The following GAREM1 variants were observed in gnomAD, a reference collection of about 807,000 sequenced individuals.
The protein encoded by GAREM1 is GRB2-associated and regulator of MAPK protein 1.
Under a neutral mutation model 71.3 loss-of-function variants are expected in GAREM1, and 26 were observed. The observed-to-expected ratio is 0.36, with a 90% CI of 0.27 to 0.51. The LOEUF (loss-of-function observed/expected upper bound fraction) is 0.51. Among genes scored for constraint, GAREM1 ranks in the 20% least tolerant of loss-of-function variants. The pLI is 0.95. For synonymous variants in GAREM1, 440 were observed against 433.2 expected (o/e 1.02, Z -0.20); for missense variants, 1,026 against 1,103.1 (o/e 0.93, Z 0.99).
At chr18:32,334,858 G>A (rs2047573452) in intron 2 of GAREM1, among the ~76,000 whole-genome samples, 1 of 152,112 alleles carries the variant, frequency 6.6e-6, no homozygotes, top group Non-Finnish European at 1.5e-5. Flanking sequence ...GTTTGGGTAC[G>A]AGATATGTGG....
intron 1 of GAREM1, among the ~76,000 whole-genome samples, chr18:32,400,178 T>C (rs2048299511): frequency 6.6e-6 from 1 of 152,184 alleles, no homozygotes. Flanking sequence ...TAATTCAAGA[T>C]GGATTAAAGA....
intron 3 of GAREM1, among the ~76,000 whole-genome samples, chr18:32,305,903 A>G (rs533352941): frequency 2.0e-5 from 3 of 152,186 alleles, no homozygotes; most frequent in African/African-American, 7.2e-5. Context: ...TCTCTGCTAT[A>G]CTCACTGGGA....
In GAREM1 at chr18:32,287,473, G is replaced by T. The variant is rs1396702450; in HGVS notation, c.1124C>A (p.Ala375Asp). The T allele has an allele frequency of 3.1e-6, 5 of 1,614,164 alleles. No individual in the cohort carries two copies. Among genetic ancestry groups the T allele is most frequent in the Non-Finnish European group, 4.2e-6 (5 of 1,180,006 alleles). ...GAAGGACTGGGTGAGCTCATCGCGG[G>T]CGTAGCTGAGCGAATTGGGCACGTG... The part of the protein sequence containing the change: ...HNHVPNSLSY[A>D]RDELTQSFHR... Residue 375 changes from alanine to aspartate, a missense_variant, in exon 4 of 6, where the codon GCC becomes GAC. Physicochemically the swap from Ala to Asp is moderately radical, Grantham distance 126. Transcript: ENST00000269209. The surrounding 1 kb of genome is among the most constrained non-coding windows in gnomAD (Gnocchi z 5.9).
intron 4 of GAREM1, among the ~76,000 whole-genome samples, chr18:32,280,649 C>A (rs1286927118): frequency 1.3e-5 from 2 of 152,134 alleles, no homozygotes; most frequent in Non-Finnish European, 2.9e-5. Context: ...TGTGATGATT[C>A]CACAGTTAGG....
chr18:32,284,002 T>G (rs2046982021), intron 4 of GAREM1, among the ~76,000 whole-genome samples: 1 of 152,176 alleles, frequency 6.6e-6, no homozygotes, highest in South Asian at 2.1e-4. Flanking sequence ...ATGGCACATC[T>G]CTCTCCCAAG....
intron 2 of GAREM1, among the ~76,000 whole-genome samples, chr18:32,360,921 C>G (rs1231010762): frequency 6.6e-6 from 1 of 152,146 alleles, no homozygotes; most frequent in Non-Finnish European, 1.5e-5. Context: ...TCAGCATTCT[C>G]CCTTTGCCTC....
At chr18:32,398,237 A>T (rs1286159045) in intron 1 of GAREM1, among the ~76,000 whole-genome samples, 2 of 152,176 alleles carry the variant, frequency 1.3e-5, no homozygotes, top group Non-Finnish European at 2.9e-5. Context: ...TAACACCCTA[A>T]CATCACAACT....
chr18:32,393,696 AT>A (rs2048225027), intron 1 of GAREM1, among the ~76,000 whole-genome samples: 1 of 152,198 alleles, frequency 6.6e-6, no homozygotes, highest in Non-Finnish European at 1.5e-5. Context: ...AAAAATAATG[AT>A]TTATAGCATA....
At chr18:32,452,768 T>C (rs887072844) in intron 1 of GAREM1, among the ~76,000 whole-genome samples, 1 of 152,072 alleles carries the variant, frequency 6.6e-6, no homozygotes, top group Non-Finnish European at 1.5e-5. Context: ...ATACTCCCAC[T>C]TACCCATCAG....
chr18:32,344,593 C>T (rs1456224708), intron 2 of GAREM1, among the ~76,000 whole-genome samples: 1 of 151,878 alleles, frequency 6.6e-6, no homozygotes, highest in African/African-American at 2.4e-5. Context: ...GCCTAATTAC[C>T]TGAATAATAT....
rs1027032651 is a variant in GAREM1, at chr18:32,343,310, T to G, written c.263-32987A>C. Reference sequence around the variant, plus strand: ...AAGCTAAAAGAGTACTCTCCCCCACTGTTTTTTTTTTTTTTTTTTTTTGAG... The same window carrying G: ...AAGCTAAAAGAGTACTCTCCCCCACGGTTTTTTTTTTTTTTTTTTTTTGAG... On this transcript the variant is annotated intron_variant, in intron 2 of 5. Coordinates refer to ENST00000269209, the MANE Select transcript of GAREM1 (RefSeq NM_001242409.2). Among the ~76,000 whole-genome samples, 1,089 of 141,912 alleles carry G rather than the reference T, an allele frequency of 7.7e-3. 10 individuals are homozygous for G. Among genetic ancestry groups the G allele is most frequent in the Non-Finnish European group, 0.013 (839 of 65,604 alleles). 93.1% of individuals were successfully genotyped at this position (141,912 alleles called of 152,430 possible). A position where few individuals can be genotyped will look rare whatever the true frequency, so the allele number is the denominator to read the frequency against.
chr18:32,445,486 C>T (rs1261034605), intron 1 of GAREM1, among the ~76,000 whole-genome samples: 1 of 151,992 alleles, frequency 6.6e-6, no homozygotes, highest in African/African-American at 2.4e-5. Flanking sequence ...CCTAGAACCC[C>T]ATTCACATTG....
chr18:32,448,494 T>G (rs1599055334), intron 1 of GAREM1, among the ~76,000 whole-genome samples: 1 of 152,224 alleles, frequency 6.6e-6, no homozygotes, highest in Non-Finnish European at 1.5e-5. Context: ...TACTCCATAA[T>G]CGTAAAATGC....
rs1043089996 is a variant in GAREM1, at chr18:32,264,778, T to A, written c.*3093A>T. On this transcript the variant is annotated 3_prime_UTR_variant, in exon 6 of 6. Coordinates refer to ENST00000269209, the MANE Select transcript of GAREM1 (RefSeq NM_001242409.2). Reference sequence around the variant, plus strand: ...AGTGTCTGAATTCTGCCTCCCAACATGAGTCAGGTCCACATTATACATTTT... The same window carrying A: ...AGTGTCTGAATTCTGCCTCCCAACAAGAGTCAGGTCCACATTATACATTTT... 6.6e-6 allele frequency: 1 copy of A among 152,244 alleles called. No homozygotes were observed. The highest frequency in any genetic ancestry group is 1.5e-5 in the Non-Finnish European group (1 of 68,046). 9.4% of individuals were successfully genotyped at this position (152,244 alleles called of 1,614,324 possible). A position where few individuals can be genotyped will look rare whatever the true frequency, so the allele number is the denominator to read the frequency against.
intron 2 of GAREM1, among the ~76,000 whole-genome samples, chr18:32,336,476 A>G (rs140821445): frequency 7.2e-4 from 110 of 152,222 alleles, no homozygotes; most frequent in African/African-American, 2.5e-3. Flanking sequence ...GAAAGCAGCA[A>G]TCACAGTGCC....
chr18:32,440,869 A>G (rs1470614478), intron 1 of GAREM1, among the ~76,000 whole-genome samples: 1 of 152,212 alleles, frequency 6.6e-6, no homozygotes, highest in Admixed American at 6.5e-5. Flanking sequence ...CCTTAGAAAT[A>G]CCTTCGTTTA....
chr18:32,312,064 G>A (rs987349293), intron 2 of GAREM1, among the ~76,000 whole-genome samples: 7 of 152,230 alleles, frequency 4.6e-5, no homozygotes, highest in Non-Finnish European at 1.0e-4. Context: ...GGAGGGTGAA[G>A]GGAGGATCAG....
At chr18:32,443,750 C>A (rs1482991405) in intron 1 of GAREM1, among the ~76,000 whole-genome samples, 2 of 152,112 alleles carry the variant, frequency 1.3e-5, no homozygotes, top group African/African-American at 4.8e-5. Context: ...TCATATGACC[C>A]AGCAATTCCA....
rs2041398271 is a variant in GAREM1, at chr18:32,267,978, G to A, written c.2524C>T (p.Leu842=). 6.2e-7 allele frequency: 1 copy of A among 1,613,744 alleles called. No homozygotes were observed. The highest frequency in any genetic ancestry group is 1.3e-5 in the African/African-American group (1 of 74,888). The change falls in exon 6 of 6, where the codon CTG becomes TTG. Residue 842 remains leucine (L), a synonymous_variant. Transcript: ENST00000269209. ...FFVTEKIDGN[L]LVQLTEEILS... ...ATTTCTTCCGTTAGCTGAACAAGCA[G>A]GTTCCCATCAATCTTTTCAGTAACA...
Sources: allele counts gnomAD v4.1 joint callset (sites outside exome capture counted in the v4.1 genomes callset), GRCh38; gene constraint gnomAD v4.1.1; non-coding constraint Gnocchi (gnomAD v3.1); transcripts MANE v1.5; gene names NCBI Gene and HGNC (gene_info 2026-07-23, HGNC 2026-07-21).